The following SLC39A11 variants were observed in gnomAD, a reference collection of about 807,000 sequenced individuals.
The protein encoded by SLC39A11 is zinc transporter ZIP11.
Under a neutral mutation model 36.1 loss-of-function variants are expected in SLC39A11, and 33 were observed. That is an observed-to-expected ratio of 0.91 (90% confidence interval 0.69 to 1.22). The LOEUF (loss-of-function observed/expected upper bound fraction) is 1.22. SLC39A11 is among the 50% of genes most tolerant of loss of function. The pLI, the probability that SLC39A11 is intolerant of heterozygous loss-of-function variation, is 0.00. For synonymous variants in SLC39A11, 166 were observed against 170.3 expected (o/e 0.97, Z 0.20); for missense variants, 432 against 430.3 (o/e 1.00, Z -0.03).
intron 6 of SLC39A11, among the ~76,000 whole-genome samples, chr17:72,764,053 C>G (rs2075682983): frequency 6.6e-6 from 1 of 152,068 alleles, no homozygotes; most frequent in Non-Finnish European, 1.5e-5. Flanking sequence ...GATCTAGTGC[C>G]TGATTTCCTG....
chr17:72,786,126 C>T (rs1425994016), intron 6 of SLC39A11, among the ~76,000 whole-genome samples: 2 of 152,144 alleles, frequency 1.3e-5, no homozygotes, highest in Non-Finnish European at 2.9e-5. Context: ...ATGGCATAAC[C>T]TTGGGTTTTA....
At chr17:72,716,144 C>T (rs941679550) in intron 7 of SLC39A11, among the ~76,000 whole-genome samples, 6 of 152,082 alleles carry the variant, frequency 3.9e-5, no homozygotes, top group Non-Finnish European at 8.8e-5. Context: ...TCCCAACCTG[C>T]AGGCATGAGG....
intron 7 of SLC39A11, among the ~76,000 whole-genome samples, chr17:72,689,790 G>T (rs1201837965): frequency 6.6e-6 from 1 of 152,210 alleles, no homozygotes; most frequent in Non-Finnish European, 1.5e-5. Context: ...AAGGCTGTGG[G>T]GGGAGGGAGA....
At chr17:72,667,372 G>C (rs182640936) in intron 7 of SLC39A11, among the ~76,000 whole-genome samples, 2 of 152,196 alleles carry the variant, frequency 1.3e-5, no homozygotes, top group Non-Finnish European at 1.5e-5. Context: ...AAAACCAGGC[G>C]AGAAGCTGGC....
intron 6 of SLC39A11, among the ~76,000 whole-genome samples, chr17:72,749,247 T>C (rs921861441): frequency 2.6e-5 from 4 of 152,110 alleles, no homozygotes; most frequent in Non-Finnish European, 5.9e-5. Flanking sequence ...TCCCAAACAC[T>C]CTGTTCCACC....
chr17:73,036,685 G>A, intron 3 of SLC39A11, among the ~76,000 whole-genome samples: 1 of 152,076 alleles, frequency 6.6e-6, no homozygotes, highest in Non-Finnish European at 1.5e-5. Flanking sequence ...GACCTTAGGT[G>A]ACCCACCTGC....
intron 4 of SLC39A11, chr17:72,992,846 G>A (rs753577727): frequency 1.3e-5 from 2 of 152,240 alleles, no homozygotes; most frequent in African/African-American, 2.4e-5. Flanking sequence ...AGACACACCC[G>A]AGACTGGGTA....
At chr17:72,764,334 G>C (rs1272461761) in intron 6 of SLC39A11, among the ~76,000 whole-genome samples, 1 of 152,194 alleles carries the variant, frequency 6.6e-6, no homozygotes, top group Non-Finnish European at 1.5e-5. Flanking sequence ...CGGTTCAGCT[G>C]TGGTGGGGAC....
intron 4 of SLC39A11, among the ~76,000 whole-genome samples, chr17:72,948,823 G>C (rs945690490): frequency 2.0e-5 from 3 of 152,112 alleles, no homozygotes; most frequent in Admixed American, 2.0e-4. Context: ...ACAAAGTCCC[G>C]GTTCTTCTGA....
intron 7 of SLC39A11, among the ~76,000 whole-genome samples, chr17:72,699,526 T>C (rs1414552422): frequency 6.6e-6 from 1 of 152,228 alleles, no homozygotes; most frequent in Non-Finnish European, 1.5e-5. Flanking sequence ...AGGAAGCCCC[T>C]GCAATGTGTG....
chr17:72,937,386 C>T (rs984387922), intron 5 of SLC39A11, among the ~76,000 whole-genome samples: 34 of 152,118 alleles, frequency 2.2e-4, no homozygotes, highest in Admixed American at 9.2e-4. Context: ...ACCTGGGAGG[C>T]GGAGGTTGCA....
intron 4 of SLC39A11, among the ~76,000 whole-genome samples, chr17:73,029,132 A>AAT: frequency 6.6e-6 from 1 of 151,874 alleles, no homozygotes; most frequent in Non-Finnish European, 1.5e-5. Flanking sequence ...ACACAAAAAA[A>AAT]AATTACTGCT....
intron 5 of SLC39A11, among the ~76,000 whole-genome samples, chr17:72,855,951 T>C (rs2079622271): frequency 6.6e-6 from 1 of 152,210 alleles, no homozygotes; most frequent in South Asian, 2.1e-4. Flanking sequence ...CCTGCCTTCT[T>C]GTTTCCCAAA....
intron 4 of SLC39A11, among the ~76,000 whole-genome samples, chr17:72,985,765 G>A (rs12951607): frequency 0.51 from 78,072 of 152,016 alleles, 20,985 homozygotes; most frequent in Middle Eastern, 0.69. Flanking sequence ...TGCAATCGAT[G>A]CCCTATCTCC....
chr17:72,766,981 G>C (rs1026107389), intron 6 of SLC39A11, among the ~76,000 whole-genome samples: 1 of 151,982 alleles, frequency 6.6e-6, no homozygotes, highest in Non-Finnish European at 1.5e-5. Context: ...CCTCCGACCA[G>C]AGACATTCCA....
At chr17:72,950,640 T>A (rs957251676) in intron 4 of SLC39A11, among the ~76,000 whole-genome samples, 2 of 152,208 alleles carry the variant, frequency 1.3e-5, no homozygotes, top group South Asian at 2.1e-4. Context: ...CTTTTTATAA[T>A]GTGATTGATG....
intron 4 of SLC39A11, among the ~76,000 whole-genome samples, chr17:73,029,125 C>CA (rs2058661888): frequency 6.7e-6 from 1 of 149,166 alleles, no homozygotes; most frequent in Admixed American, 6.7e-5. Flanking sequence ...CACACACACA[C>CA]AAAAAAAAAT....
intron 5 of SLC39A11, among the ~76,000 whole-genome samples, chr17:72,945,296 C>T (rs1017689959): frequency 8.5e-5 from 13 of 152,194 alleles, no homozygotes; most frequent in African/African-American, 3.1e-4. Context: ...TGTGGCCTTT[C>T]TAGTTCTTCC....
At chr17:72,689,075 C>T (rs752146490) in intron 7 of SLC39A11, among the ~76,000 whole-genome samples, 2 of 152,140 alleles carry the variant, frequency 1.3e-5, no homozygotes, top group African/African-American at 2.4e-5. Flanking sequence ...GTCTCCTGTG[C>T]CATGGACCCC....
Sources: gnomAD v4.1 joint callset for allele counts (sites outside exome capture counted in the v4.1 genomes callset) on GRCh38, gnomAD v4.1.1 for gene constraint, MANE v1.5 for transcripts, NCBI Gene and HGNC (gene_info 2026-07-23, HGNC 2026-07-21) for gene names.